Variants in WNK2 observed in about 807,000 individuals in gnomAD.
The protein encoded by WNK2 is serine/threonine-protein kinase WNK2.
A neutral mutation model predicts 192.1 loss-of-function variants in WNK2; 67 were observed. The observed-to-expected ratio is 0.35, with a 90% CI of 0.29 to 0.43. The LOEUF (loss-of-function observed/expected upper bound fraction) is 0.43. Ranked by LOEUF, WNK2 falls within the 20% of genes least tolerant of loss-of-function variation. The pLI, the probability that WNK2 is intolerant of heterozygous loss-of-function variation, is 1.00. For synonymous variants in WNK2, 1,439 were observed against 1,393.9 expected (o/e 1.03, Z -0.72); for missense variants, 2,698 against 3,089.7 (o/e 0.87, Z 3.01).
At chr9:93,280,611 C>T (rs1847585284) in intron 19 of WNK2, among the ~76,000 whole-genome samples, 1 of 152,132 alleles carries the variant, frequency 6.6e-6, no homozygotes, top group African/African-American at 2.4e-5. Flanking sequence ...GGTGTCTATC[C>T]TTCACATTTC....
Position 93,261,864 on chromosome 9 carries a change from C to T in WNK2, c.3117C>T (p.Val1039=), listed in dbSNP as rs376222222. 4.4e-6 allele frequency: 7 copies of T among 1,600,192 alleles called. No individual in the cohort carries two copies. In the South Asian group the frequency reaches 6.6e-5, roughly 15 times the overall value. Residue 1039 remains valine, a synonymous_variant, in exon 13 of 30, where the codon GTC becomes GTT. Coordinates refer to ENST00000427277, the MANE Select transcript of WNK2 (RefSeq NM_006648.4). The stretch of plus-strand genomic sequence containing the variant: ...ATGCTGTGGACGTCGCCGCTCAGGT[C>T]CCCACCGTGCCTGTGCCACCGGCTG... ...APYAVDVAAQ[V]PTVPVPPAAV...
intron 7 of WNK2, among the ~76,000 whole-genome samples, chr9:93,246,964 G>A (rs1221832556): frequency 1.3e-5 from 2 of 152,222 alleles, no homozygotes; most frequent in Admixed American, 1.3e-4. Flanking sequence ...AGCTCATGAT[G>A]TTTCCTGGAG....
chr9:93,297,831 T>TCCCTCCTGTC (rs1564201286), intron 23 of WNK2, 22 bp from the exon 24 acceptor site: 1 of 1,554,028 alleles, frequency 6.4e-7, no homozygotes, highest in Admixed American at 1.9e-5. Flanking sequence ...CCATCGGCGC[T>TCCCTCCTGTC]CCCTCCTGTC....
intron 2 of WNK2, among the ~76,000 whole-genome samples, chr9:93,204,152 G>A (rs1316015094): frequency 2.0e-5 from 3 of 152,084 alleles, no homozygotes; most frequent in African/African-American, 2.4e-5. Flanking sequence ...TTGGTCAGTG[G>A]GTACTAGGGA....
At chr9:93,317,835 C>T in intron 29 of WNK2, 1 of 1,507,498 alleles carries the variant, frequency 6.6e-7, no homozygotes, top group Non-Finnish European at 8.9e-7. Context: ...TGGCCCCCGG[C>T]TGCGGATCAC....
intron 19 of WNK2, among the ~76,000 whole-genome samples, chr9:93,277,384 T>TA (rs1847088145): frequency 6.6e-6 from 1 of 152,190 alleles, no homozygotes. Flanking sequence ...AATGAAAACT[T>TA]ATGTTCACTT....
chr9:93,243,458 C>A (rs538494291), intron 7 of WNK2, among the ~76,000 whole-genome samples: 15 of 152,328 alleles, frequency 9.8e-5, no homozygotes, highest in African/African-American at 3.6e-4. Context: ...GGCCCGAGCA[C>A]CTTCACCCCC....
At chr9:93,205,149 C>T (rs1471001720) in intron 2 of WNK2, among the ~76,000 whole-genome samples, 2 of 152,190 alleles carry the variant, frequency 1.3e-5, no homozygotes, top group African/African-American at 4.8e-5. Context: ...GAGCATACTA[C>T]CTCCTCCTCA....
intron 7 of WNK2, among the ~76,000 whole-genome samples, chr9:93,241,218 A>G (rs1429199876): frequency 1.3e-5 from 2 of 152,274 alleles, no homozygotes; most frequent in East Asian, 3.8e-4. Context: ...TAAGTCAGAC[A>G]ACTTGATACG....
At chr9:93,220,879 C>G (rs1238991260) in intron 2 of WNK2, among the ~76,000 whole-genome samples, 2 of 152,194 alleles carry the variant, frequency 1.3e-5, no homozygotes, top group African/African-American at 4.8e-5. Context: ...TCAGGGGTGC[C>G]TGACCCAGCC....
chr9:93,245,460 T>C (rs1330703604), intron 7 of WNK2, among the ~76,000 whole-genome samples: 1 of 152,208 alleles, frequency 6.6e-6, no homozygotes, highest in Non-Finnish European at 1.5e-5. Context: ...AGTCAGGTCT[T>C]GCATCTCCAC....
chr9:93,277,447 A>G (rs1386750471), intron 19 of WNK2, among the ~76,000 whole-genome samples: 1 of 152,200 alleles, frequency 6.6e-6, no homozygotes, highest in African/African-American at 2.4e-5. Flanking sequence ...CCAATTGCCA[A>G]AACTGGAAAC....
intron 2 of WNK2, among the ~76,000 whole-genome samples, chr9:93,199,482 TC>T (rs1184924714): frequency 6.6e-6 from 1 of 152,178 alleles, no homozygotes; most frequent in Admixed American, 6.5e-5. Flanking sequence ...GCAACCATCT[TC>T]CTGGGTCAGC....
chr9:93,216,846 A>G (rs1426783453), intron 2 of WNK2, among the ~76,000 whole-genome samples: 5 of 151,906 alleles, frequency 3.3e-5, no homozygotes, highest in South Asian at 2.1e-4. Context: ...AACAAACAAA[A>G]CAAAAAGAAC....
At chr9:93,242,673 C>T (rs549979655) in intron 7 of WNK2, among the ~76,000 whole-genome samples, 1 of 152,336 alleles carries the variant, frequency 6.6e-6, no homozygotes, top group Admixed American at 6.5e-5. Context: ...ACCTGGCTGG[C>T]CGCTCAGTGG....
chr9:93,253,857 C>T (rs1176159743), intron 9 of WNK2, among the ~76,000 whole-genome samples: 2 of 152,192 alleles, frequency 1.3e-5, no homozygotes, highest in Non-Finnish European at 2.9e-5. Context: ...AGTGCCCAGC[C>T]ACAGAGGGGT....
At chr9:93,189,497 G>A (rs1214188521) in intron 2 of WNK2, among the ~76,000 whole-genome samples, 1 of 152,200 alleles carries the variant, frequency 6.6e-6, no homozygotes, top group Non-Finnish European at 1.5e-5. Flanking sequence ...ACCCAGAGGG[G>A]GCAGGGCTCA....
intron 28 of WNK2, among the ~76,000 whole-genome samples, chr9:93,313,328 A>C (rs1005352609): frequency 6.7e-6 from 1 of 149,554 alleles, no homozygotes; most frequent in African/African-American, 2.5e-5. Context: ...AAACCTATCC[A>C]TTCAGTTTTT....
At chr9:93,255,231 TG>T (rs149067228) in intron 9 of WNK2, among the ~76,000 whole-genome samples, 1 of 152,190 alleles carries the variant, frequency 6.6e-6, no homozygotes, top group African/African-American at 2.4e-5. Context: ...ATGGTTGCCA[TG>T]GTGATGTGTC....
Sources: gnomAD v4.1 joint callset for allele counts (sites outside exome capture counted in the v4.1 genomes callset) on GRCh38, gnomAD v4.1.1 for gene constraint, MANE v1.5 for transcripts, NCBI Gene and HGNC (gene_info 2026-07-23, HGNC 2026-07-21) for gene names.